Variants in GSE1 observed in about 807,000 individuals in gnomAD.
The protein encoded by GSE1 is genetic suppressor element 1.
A neutral mutation model predicts 112.6 loss-of-function variants in GSE1; 32 were observed. The ratio of observed to expected loss-of-function variants is 0.28; its 90% CI spans 0.21 to 0.38. The LOEUF is 0.38. GSE1 is among the 10% of genes least tolerant of loss of function. The pLI is 1.00. For synonymous variants in GSE1, 1,115 were observed against 735.6 expected, an observed-to-expected ratio of 1.52 and a Z score of -8.35; for missense variants, 2,348 against 1,699.2, an observed-to-expected ratio of 1.38 and a Z score of -6.71.
intron 1 of GSE1, among the ~76,000 whole-genome samples, chr16:85,172,644 G>A (rs546492469): frequency 6.6e-6 from 1 of 152,252 alleles, no homozygotes; most frequent in Non-Finnish European, 1.5e-5. Context: ...CGGCCACCGG[G>A]GCATGGATGC....
At chr16:85,315,194 A>G (rs77160909) in intron 1 of GSE1, among the ~76,000 whole-genome samples, 9,171 of 152,148 alleles carry the variant, frequency 0.06, 332 homozygotes, top group Admixed American at 0.09. Flanking sequence ...GAAGGAGACA[A>G]AGGGGTGGCT....
chr16:85,513,651 C>A (rs1277610571), intron 2 of GSE1, among the ~76,000 whole-genome samples: 1 of 152,290 alleles, frequency 6.6e-6, no homozygotes, highest in East Asian at 1.9e-4. Flanking sequence ...CCCTCCTCCT[C>A]CAGGAAGCAG....
At chr16:85,491,864 C>T (rs1453837868) in intron 2 of GSE1, among the ~76,000 whole-genome samples, 2 of 152,184 alleles carry the variant, frequency 1.3e-5, no homozygotes, top group African/African-American at 4.8e-5. Context: ...GCGAGGTCAG[C>T]CAGGGGGTGG....
In GSE1 at chr16:85,648,552, G is replaced by T; in HGVS notation, c.227G>T (p.Gly76Val). 2 of 1,532,164 alleles carry T rather than the reference G, an allele frequency of 1.3e-6. No individual in the cohort carries two copies. Among genetic ancestry groups the T allele is most frequent in the Middle Eastern group, 1.7e-4 (1 of 5,732 alleles). 94.9% of individuals were successfully genotyped at this position (1,532,164 alleles called of 1,614,324 possible). The stretch of plus-strand genomic sequence containing the variant: ...CAGGCCACCGTCTTCTCCTCCACAG[G>T]GTCCTCACTGAGCAGCGAGTCGTCC... ...KLAKQAEEPR[G>V]SSLSSESSPV... Residue 76 changes from glycine to valine, a missense_variant and splice_region_variant, in exon 3 of 16, where the codon GGG (glycine) becomes GTG (valine). Gly to Val is a moderately radical substitution (Grantham distance 109). Coordinates refer to ENST00000253458, the MANE Select transcript of GSE1 (RefSeq NM_014615.5).
intron 1 of GSE1, among the ~76,000 whole-genome samples, chr16:85,219,189 T>C (rs947187920): frequency 2.6e-5 from 4 of 152,152 alleles, no homozygotes; most frequent in Admixed American, 2.6e-4. Context: ...AATTTTTGTA[T>C]TTTTAGTAGA....
chr16:85,425,012 G>T (rs1356666275), intron 2 of GSE1, among the ~76,000 whole-genome samples: 2 of 152,266 alleles, frequency 1.3e-5, no homozygotes, highest in Admixed American at 6.5e-5. Context: ...AGAGGGCCAG[G>T]GTGGAGAGCA....
intron 2 of GSE1, among the ~76,000 whole-genome samples, chr16:85,386,022 G>C (rs2047680955): frequency 6.6e-6 from 1 of 152,218 alleles, no homozygotes; most frequent in African/African-American, 2.4e-5. Flanking sequence ...GCATCACTCT[G>C]CGGGGCTGTC....
chr16:85,671,580 C>G (rs941345561), intron 15 of GSE1, among the ~76,000 whole-genome samples: 2 of 152,194 alleles, frequency 1.3e-5, no homozygotes, highest in East Asian at 3.8e-4. Flanking sequence ...CACCAGTGCA[C>G]TCCAGCCTGG....
At position 85,595,928 on chromosome 16, in the gene GSE1, C is replaced by T. The variant is rs533696449; in HGVS notation, c.37+39565C>T. On this transcript the variant is annotated intron_variant, in intron 1 of 2. Transcript: ENST00000635906. ...CCCACCCATTCTTCCATCTGCCCAC[C>T]GATCCACCCACCCACCCATTCCTCC... 9.7e-3 allele frequency among the ~76,000 whole-genome samples: 1,362 copies of T among 139,866 alleles called. 17 individuals carry two copies. Among genetic ancestry groups the T allele is most frequent in the Non-Finnish European group, 0.013 (821 of 64,460 alleles). 91.8% of individuals were successfully genotyped at this position (139,866 alleles called of 152,430 possible).
chr16:85,247,793 G>T (rs982511021), intron 1 of GSE1, among the ~76,000 whole-genome samples: 1 of 152,218 alleles, frequency 6.6e-6, no homozygotes, highest in Non-Finnish European at 1.5e-5. Flanking sequence ...GCACATGGGG[G>T]ACATGCCAGG....
intron 1 of GSE1, among the ~76,000 whole-genome samples, chr16:85,258,517 G>C (rs1026334259): frequency 1.3e-5 from 2 of 152,210 alleles, no homozygotes; most frequent in African/African-American, 4.8e-5. Flanking sequence ...CTGCGGCCCC[G>C]TGGCCACTGC....
intron 1 of GSE1, among the ~76,000 whole-genome samples, chr16:85,213,716 T>C (rs142160471): frequency 6.6e-6 from 1 of 152,240 alleles, no homozygotes; most frequent in Non-Finnish European, 1.5e-5. Flanking sequence ...GCATCAGGGG[T>C]GCCCTTGCAG....
chr16:85,492,747 G>T (rs78999792), intron 2 of GSE1, among the ~76,000 whole-genome samples: 26,819 of 151,952 alleles, frequency 0.18, 2,530 homozygotes, highest in African/African-American at 0.24. Context: ...GCCGTCCCTG[G>T]GGGATTCTGA....
intron 1 of GSE1, among the ~76,000 whole-genome samples, chr16:85,559,288 G>A (rs2045399984): frequency 2.0e-5 from 3 of 152,224 alleles, no homozygotes. Context: ...GAGACCCAGG[G>A]GCTCAGCAAT....
At chr16:85,570,862 C>G (rs2045953497) in intron 1 of GSE1, among the ~76,000 whole-genome samples, 1 of 152,228 alleles carries the variant, frequency 6.6e-6, no homozygotes, top group Admixed American at 6.5e-5. Flanking sequence ...CCGCAAGCCA[C>G]TGACTCCAAG....
At chr16:85,453,636 C>T (rs2049744950) in intron 2 of GSE1, among the ~76,000 whole-genome samples, 2 of 152,092 alleles carry the variant, frequency 1.3e-5, no homozygotes, top group Admixed American at 1.3e-4. Flanking sequence ...AGACCAGGCT[C>T]AGGTGGGCAG....
chr16:85,515,012 CAT>C (rs899439296), intron 2 of GSE1, among the ~76,000 whole-genome samples: 14 of 152,276 alleles, frequency 9.2e-5, no homozygotes, highest in African/African-American at 3.1e-4. Context: ...CCCATGGGCA[CAT>C]GTGAATATCT....
chr16:85,238,498 C>T lies in GSE1; in HGVS notation c.2283+66691C>T, dbSNP rs917910464. On this transcript the variant is annotated intron_variant, in intron 1 of 2. Coordinates refer to the GSE1 transcript ENST00000637419. ...ATCCCGAGCCTGCGTGAGGGCCGCCCTGGCCTCGGCGTGTGTCCTGGGAAG... is the reference window on the plus strand; with the variant it reads ...ATCCCGAGCCTGCGTGAGGGCCGCCTTGGCCTCGGCGTGTGTCCTGGGAAG... 2.0e-5 allele frequency among the ~76,000 whole-genome samples: 3 copies of T among 152,270 alleles called. No individual in the cohort carries two copies. The East Asian group carries it at 5.9e-4, about 30-fold the overall frequency.
intron 1 of GSE1, among the ~76,000 whole-genome samples, chr16:85,588,260 C>G (rs1425619207): frequency 6.6e-6 from 1 of 152,250 alleles, no homozygotes; most frequent in African/African-American, 2.4e-5. Context: ...GCATTCCCTA[C>G]ATGGCATCGG....
Sources: gnomAD v4.1 joint callset for allele counts (sites outside exome capture counted in the v4.1 genomes callset) on GRCh38, gnomAD v4.1.1 for gene constraint, MANE v1.5 for transcripts, NCBI Gene and HGNC (gene_info 2026-07-23, HGNC 2026-07-21) for gene names.